The following PTGER3 variants were observed in gnomAD, a reference collection of about 807,000 sequenced individuals.
PTGER3 encodes the protein prostaglandin E receptor 3, also known as prostaglandin E2 receptor EP3 subtype.
PTGER3 carries 22 observed loss-of-function variants against 34.7 expected under a neutral mutation model. The ratio of observed to expected loss-of-function variants is 0.63; its 90% confidence interval spans 0.45 to 0.91. The LOEUF is 0.91. PTGER3 is among the 40% of genes least tolerant of loss of function. The pLI, the probability that PTGER3 is intolerant of heterozygous loss-of-function variation, is 0.00. For missense variants in PTGER3, 468 were observed against 519.4 expected, an observed-to-expected ratio of 0.90 and a Z score of 0.96; for synonymous variants, 241 against 230.1, an observed-to-expected ratio of 1.05 and a Z score of -0.43.
At chr1:71,024,136 T>A (rs1214811102) in intron 1 of PTGER3, among the ~76,000 whole-genome samples, 1 of 152,168 alleles carries the variant, frequency 6.6e-6, no homozygotes, top group African/African-American at 2.4e-5. Flanking sequence ...CACCATTTTT[T>A]ACCCTCATGC....
intron 2 of PTGER3, among the ~76,000 whole-genome samples, chr1:70,976,231 G>C (rs1196780053): frequency 6.6e-6 from 1 of 152,086 alleles, no homozygotes; most frequent in African/African-American, 2.4e-5. Context: ...GATTTTTAGG[G>C]CTGTGAAACT....
Position 70,971,284 on chromosome 1 carries a change from TATC to T in PTGER3, c.*443_*445del, listed in dbSNP as rs1653052143. 1.0e-6 allele frequency: 1 copy of T among 986,360 alleles called. No individual in the cohort carries two copies. The highest frequency in any genetic ancestry group is 1.7e-5 in the African/African-American group (1 of 57,272). The allele number at this position is 986,360 out of a possible 1,614,324, so 61.1% of individuals were successfully genotyped here. A position where few individuals can be genotyped will look rare whatever the true frequency, so the allele number is the denominator to read the frequency against. On this transcript the variant is annotated 3_prime_UTR_variant, in exon 4 of 4. Coordinates refer to ENST00000306666, the MANE Select transcript of PTGER3 (RefSeq NM_198719.2). Reference sequence around the variant, plus strand: ...TAAGTTCATATCCTATTAATTGAATTATCACTCTCAATATGTTGACTTTTCACC... The same window carrying T: ...TAAGTTCATATCCTATTAATTGAATTACTCTCAATATGTTGACTTTTCACC...
chr1:70,873,354 A>C (rs1224021523), intron 4 of PTGER3, among the ~76,000 whole-genome samples: 1 of 152,138 alleles, frequency 6.6e-6, no homozygotes, highest in South Asian at 2.1e-4. Flanking sequence ...TCTATTTTCT[A>C]GCACCCACTG....
At chr1:70,980,672 A>G (rs1432527837) in intron 2 of PTGER3, among the ~76,000 whole-genome samples, 1 of 152,106 alleles carries the variant, frequency 6.6e-6, no homozygotes, top group Admixed American at 6.5e-5. Context: ...TATATAAAAC[A>G]CTTAGAACAG....
At position 71,047,362 on chromosome 1, in the gene PTGER3, G is replaced by A. The variant is rs776441212; in HGVS notation, c.216C>T (p.Leu72=). 5 of 1,610,154 alleles carry A rather than the reference G, an allele frequency of 3.1e-6. No homozygotes were observed. Among genetic ancestry groups the A allele is most frequent in the Admixed American group, 3.4e-5 (2 of 59,612 alleles). ...CCCGGCGCCGGTAGCTGCGCGACAC[G>A]AGCAGCATGGCCAGTGCGTTGCCCA... ...GFVGNALAML[L]VSRSYRRRES... The change falls in exon 1 of 4, where the codon CTC becomes CTT. Residue 72 remains leucine (L), a synonymous_variant. Transcript: ENST00000306666.
At chr1:71,040,860 C>T (rs959570887) in intron 1 of PTGER3, among the ~76,000 whole-genome samples, 2 of 152,122 alleles carry the variant, frequency 1.3e-5, no homozygotes, top group African/African-American at 4.8e-5. Context: ...AGGAAGGCTT[C>T]GCTAGAAAAT....
At chr1:70,859,910 T>A (rs946058521) in intron 4 of PTGER3, among the ~76,000 whole-genome samples, 1 of 152,166 alleles carries the variant, frequency 6.6e-6, no homozygotes, top group African/African-American at 2.4e-5. Context: ...ACTATTTGGT[T>A]ATGTGTTTTT....
At chr1:70,880,274 A>G (rs901901298) in intron 4 of PTGER3, among the ~76,000 whole-genome samples, 2 of 152,282 alleles carry the variant, frequency 1.3e-5, no homozygotes, top group East Asian at 1.9e-4. Context: ...TGTGCAAGGC[A>G]GTAACAAATT....
intron 4 of PTGER3, among the ~76,000 whole-genome samples, chr1:70,932,771 A>AT (rs2100505431): frequency 6.6e-6 from 1 of 152,204 alleles, no homozygotes; most frequent in African/African-American, 2.4e-5. Flanking sequence ...GAGCCAAACT[A>AT]TATCACCTCC....
intron 4 of PTGER3, among the ~76,000 whole-genome samples, chr1:70,869,031 T>A (rs543646565): frequency 6.6e-6 from 1 of 152,248 alleles, no homozygotes; most frequent in Admixed American, 6.5e-5. Context: ...CATGAGCCAA[T>A]TAAACCTCTT....
intron 4 of PTGER3, among the ~76,000 whole-genome samples, chr1:70,930,454 A>T (rs1298068865): frequency 6.6e-6 from 1 of 152,118 alleles, no homozygotes; most frequent in Non-Finnish European, 1.5e-5. Flanking sequence ...GTACTCATAC[A>T]CTCACATTCT....
At chr1:70,961,687 A>G (rs1235320449) in intron 2 of PTGER3, among the ~76,000 whole-genome samples, 1 of 152,218 alleles carries the variant, frequency 6.6e-6, no homozygotes, top group Non-Finnish European at 1.5e-5. Context: ...CGTGTGAGTT[A>G]TGCTCTACAA....
At chr1:70,982,182 C>T (rs1219230106) in intron 2 of PTGER3, among the ~76,000 whole-genome samples, 2 of 152,282 alleles carry the variant, frequency 1.3e-5, no homozygotes, top group Non-Finnish European at 2.9e-5. Context: ...ACATCTACTT[C>T]TGATACCAGG....
intron 4 of PTGER3, among the ~76,000 whole-genome samples, chr1:70,933,515 T>A (rs1412544860): frequency 2.6e-5 from 4 of 152,212 alleles, no homozygotes; most frequent in Non-Finnish European, 2.9e-5. Context: ...ATAAACATCA[T>A]TAAACAATGC....
intron 4 of PTGER3, among the ~76,000 whole-genome samples, chr1:70,860,647 TAA>T (rs1375288290): frequency 6.6e-6 from 1 of 152,184 alleles, no homozygotes; most frequent in Non-Finnish European, 1.5e-5. Context: ...TAGCCTATGG[TAA>T]AATTGACTTC....
chr1:71,030,922 TAA>T (rs915159463), intron 1 of PTGER3, among the ~76,000 whole-genome samples: 18 of 152,096 alleles, frequency 1.2e-4, no homozygotes, highest in African/African-American at 3.9e-4. Flanking sequence ...TATAAACTAA[TAA>T]GAGAGAAAAA....
chr1:70,953,616 T>C, intron 3 of PTGER3: 1 of 1,181,406 alleles, frequency 8.5e-7, no homozygotes, highest in Non-Finnish European at 1.2e-6. Flanking sequence ...CTAATCTTTG[T>C]GACTGGGATA....
intron 4 of PTGER3, among the ~76,000 whole-genome samples, chr1:70,854,613 C>T (rs1343429981): frequency 6.6e-6 from 1 of 152,178 alleles, no homozygotes; most frequent in Non-Finnish European, 1.5e-5. Context: ...TTCTCTCGGT[C>T]TCTATCCTGC....
chr1:70,957,893 A>G (rs745388975), intron 2 of PTGER3, among the ~76,000 whole-genome samples: 3 of 152,146 alleles, frequency 2.0e-5, no homozygotes, highest in African/African-American at 7.2e-5. Context: ...TTTCTATGAA[A>G]TCAATGTTTT....
Sources: allele counts gnomAD v4.1 joint callset (sites outside exome capture counted in the v4.1 genomes callset), GRCh38; gene constraint gnomAD v4.1.1; transcripts MANE v1.5; gene names NCBI Gene and HGNC (gene_info 2026-07-23, HGNC 2026-07-21).